TTC3: variants seen among roughly 807,000 people sequenced by gnomAD.
TTC3 encodes tetratricopeptide repeat domain 3, also known as E3 ubiquitin-protein ligase TTC3.
A neutral mutation model predicts 249.6 loss-of-function variants in TTC3; 180 were observed. The ratio of observed to expected loss-of-function variants is 0.72; its 90% CI spans 0.64 to 0.82. The LOEUF (loss-of-function observed/expected upper bound fraction) is 0.82, where lower values mean the gene tolerates loss of function less well. Among genes scored for constraint, TTC3 ranks in the 40% least tolerant of loss-of-function variants. TTC3 has a pLI of 0.00. For missense variants in TTC3, 2,061 were observed against 2,398.4 expected, an observed-to-expected ratio of 0.86 and a Z score of 2.94; for synonymous variants, 717 against 805.0, an observed-to-expected ratio of 0.89 and a Z score of 1.85.
intron 15 of TTC3, among the ~76,000 whole-genome samples, chr21:37,126,568 A>G (rs906496264): frequency 6.6e-5 from 10 of 152,238 alleles, no homozygotes; most frequent in African/African-American, 2.2e-4. Context: ...TTATGTATAA[A>G]AGGAATTGAT....
At chr21:37,148,626 C>G in exon 23 of TTC3, 1 of 1,597,434 alleles carries the variant, frequency 6.3e-7, no homozygotes, top group African/African-American at 1.4e-5. Context: ...AAACTACAAC[C>G]TTTAATGATA....
intron 27 of TTC3, among the ~76,000 whole-genome samples, chr21:37,155,304 GGAGGGAGAGA>G (rs2079936770): frequency 2.0e-5 from 3 of 152,118 alleles, no homozygotes; most frequent in African/African-American, 7.2e-5. Context: ...AGGAAAGGAG[GGAGGGAGAGA>G]GAGAAATAAT....
intron 17 of TTC3, 47 bp from the exon 18 acceptor site, chr21:37,135,333 A>T (rs757040367): frequency 1.9e-6 from 3 of 1,561,404 alleles, no homozygotes; most frequent in Non-Finnish European, 2.6e-6. Context: ...GTTTTAAATT[A>T]AAAATGTGTA....
chr21:37,181,485 C>T (rs1437556501), intron 35 of TTC3, among the ~76,000 whole-genome samples: 1 of 152,186 alleles, frequency 6.6e-6, no homozygotes, highest in Non-Finnish European at 1.5e-5. Flanking sequence ...GTAGAGTAGG[C>T]ATGGTGGTCA....
intron 1 of TTC3, among the ~76,000 whole-genome samples, chr21:37,074,980 A>T (rs951521436): frequency 1.3e-5 from 2 of 151,808 alleles, no homozygotes; most frequent in African/African-American, 4.8e-5. Flanking sequence ...CTTTTTTTTT[A>T]AAGAAATAAA....
intron 15 of TTC3, among the ~76,000 whole-genome samples, chr21:37,128,225 G>T (rs1400052570): frequency 6.6e-6 from 1 of 152,176 alleles, no homozygotes; most frequent in African/African-American, 2.4e-5. Context: ...ACCTTCATCA[G>T]ATGCACCCTG....
At chr21:37,105,301 T>C (rs1192355756) in intron 10 of TTC3, among the ~76,000 whole-genome samples, 2 of 152,164 alleles carry the variant, frequency 1.3e-5, no homozygotes, top group Non-Finnish European at 2.9e-5. Context: ...GGTGAGTCTC[T>C]TTAAATGGTA....
rs903286327 is a variant in TTC3, at chr21:37,164,344, T to C, written c.3335+129T>C. 3.3e-6 allele frequency: 3 copies of C among 905,314 alleles called. No homozygotes were observed. In the African/African-American group the frequency reaches 5.2e-5, roughly 16 times the overall value. The allele number at this position is 905,314 out of a possible 1,614,324, so 56.1% of individuals were successfully genotyped here. A position where few individuals can be genotyped will look rare whatever the true frequency, so the allele number is the denominator to read the frequency against. ...TTTACACAAAGTTAATTTAGGATTT[T>C]TTTTTTTTTTTTGAGACAGAGTCTT... On this transcript the variant is annotated intron_variant, in intron 32 of 45. Transcript: ENST00000355666.
At chr21:37,106,138 A>G (rs776809791) in intron 10 of TTC3, among the ~76,000 whole-genome samples, 1 of 152,182 alleles carries the variant, frequency 6.6e-6, no homozygotes, top group Non-Finnish European at 1.5e-5. Flanking sequence ...CGCTGTGATT[A>G]TAATTTGTAT....
intron 35 of TTC3, among the ~76,000 whole-genome samples, chr21:37,176,729 A>G (rs1425344663): frequency 6.6e-6 from 1 of 152,234 alleles, no homozygotes; most frequent in African/African-American, 2.4e-5. Context: ...TAGTACATAA[A>G]TAAATCTCCA....
chr21:37,106,671 GC>G (rs1201372923), intron 10 of TTC3, among the ~76,000 whole-genome samples: 1 of 152,150 alleles, frequency 6.6e-6, no homozygotes, highest in Non-Finnish European at 1.5e-5. Flanking sequence ...AATTGCTTGA[GC>G]CCAGGAGTTT....
chr21:37,082,557 A>G (rs2071844328), intron 1 of TTC3: 2 of 985,258 alleles, frequency 2.0e-6, no homozygotes, highest in South Asian at 4.7e-5. Context: ...CCCAGGGCTC[A>G]GTGTCCTGAT....
At chr21:37,097,792 C>T (rs572564559) in intron 10 of TTC3, 1 of 542,658 alleles carries the variant, frequency 1.8e-6, no homozygotes, top group South Asian at 2.6e-5. Flanking sequence ...AGCTGAGAGT[C>T]TGCTATCAGT....
intron 7 of TTC3, among the ~76,000 whole-genome samples, chr21:37,092,683 G>T (rs2073429123): frequency 1.3e-5 from 2 of 152,108 alleles, no homozygotes; most frequent in Non-Finnish European, 2.9e-5. Context: ...CTGTCCCTTA[G>T]AATTTCTTTA....
intron 1 of TTC3, among the ~76,000 whole-genome samples, chr21:37,079,828 G>A (rs978634866): frequency 1.3e-5 from 2 of 151,886 alleles, no homozygotes; most frequent in African/African-American, 4.8e-5. Flanking sequence ...GCCACCGCTC[G>A]TGGTATGGCA....
intron 42 of TTC3, 115 bp downstream of exon 42, chr21:37,196,151 T>A: frequency 7.2e-7 from 1 of 1,390,404 alleles, no homozygotes; most frequent in Non-Finnish European, 9.7e-7. Context: ...CATAATTGTT[T>A]TGCTCAGAAA....
At chr21:37,110,343 C>A (rs1228396499) in intron 11 of TTC3, among the ~76,000 whole-genome samples, 15 of 152,108 alleles carry the variant, frequency 9.9e-5, no homozygotes, top group Non-Finnish European at 1.8e-4. Flanking sequence ...CTAGAATAAC[C>A]AATGCAGAGA....
At chr21:37,093,951 TG>T (rs2073626477) in intron 7 of TTC3, 53 bp from the exon 8 acceptor site, 3 of 1,167,370 alleles carry the variant, frequency 2.6e-6, no homozygotes, top group South Asian at 1.3e-5. Flanking sequence ...AATACCAATT[TG>T]TTTTTTTTTA....
chr21:37,136,503 C>G (rs2077951286), intron 18 of TTC3, among the ~76,000 whole-genome samples: 1 of 152,232 alleles, frequency 6.6e-6, no homozygotes, highest in African/African-American at 2.4e-5. Flanking sequence ...ACAACATTCT[C>G]TTAAGCCAGA....
Sources: allele counts gnomAD v4.1 joint callset (sites outside exome capture counted in the v4.1 genomes callset), GRCh38; gene constraint gnomAD v4.1.1; transcripts MANE v1.5; gene names NCBI Gene and HGNC (gene_info 2026-07-23, HGNC 2026-07-21).